TBXAS1: variants seen among roughly 807,000 people sequenced by gnomAD.
The protein encoded by TBXAS1 is thromboxane-A synthase.
Under a neutral mutation model 60.7 loss-of-function variants are expected in TBXAS1, and 48 were observed. That is an observed-to-expected ratio of 0.79 (90% CI 0.63 to 1.01). The LOEUF (loss-of-function observed/expected upper bound fraction) is 1.01, where lower values mean the gene tolerates loss of function less well. Among genes scored for constraint, TBXAS1 ranks in the 50% least tolerant of loss-of-function variants. TBXAS1 has a pLI of 0.00. For missense variants in TBXAS1, 685 were observed against 686.3 expected, an observed-to-expected ratio of 1.00 and a Z score of 0.02; for synonymous variants, 287 against 269.7, an observed-to-expected ratio of 1.06 and a Z score of -0.63.
intron 1 of TBXAS1, among the ~76,000 whole-genome samples, chr7:139,855,955 T>G (rs1044137077): frequency 3.9e-5 from 6 of 152,212 alleles, no homozygotes; most frequent in Non-Finnish European, 7.3e-5. Context: ...CACCACAGTT[T>G]CCTTATTTAA....
At chr7:139,914,089 G>C (rs932616669) in intron 4 of TBXAS1, 1 of 150,494 alleles carries the variant, frequency 6.6e-6, no homozygotes, top group African/African-American at 2.5e-5. Context: ...GAGTTCAGTG[G>C]TGTGATCAGA....
intron 1 of TBXAS1, among the ~76,000 whole-genome samples, chr7:139,843,140 G>C (rs554628009): frequency 6.6e-6 from 1 of 152,200 alleles, no homozygotes; most frequent in Non-Finnish European, 1.5e-5. Flanking sequence ...GCACAGCGCA[G>C]TCCCTGTTGC....
chr7:140,000,994 G>A (rs1268589093), intron 9 of TBXAS1, among the ~76,000 whole-genome samples: 2 of 152,182 alleles, frequency 1.3e-5, no homozygotes, highest in Non-Finnish European at 2.9e-5. Context: ...CAGACGAGGG[G>A]TCCTGTAGAT....
chr7:139,996,834 G>C (rs1016244226), intron 9 of TBXAS1, among the ~76,000 whole-genome samples: 1 of 152,234 alleles, frequency 6.6e-6, no homozygotes. Flanking sequence ...ATAGGGAACA[G>C]CCAAGATAGA....
intron 9 of TBXAS1, among the ~76,000 whole-genome samples, chr7:139,992,462 C>A (rs1157190433): frequency 6.6e-6 from 1 of 152,248 alleles, no homozygotes; most frequent in African/African-American, 2.4e-5. Flanking sequence ...GGGAAGCTCG[C>A]GGAGCCATGT....
Position 140,020,114 on chromosome 7 carries a change from G to A in TBXAS1, c.*15G>A, listed in dbSNP as rs762784306. The A allele has an allele frequency of 3.8e-5, 61 of 1,613,382 alleles. No individual in the cohort carries two copies. In the East Asian group the frequency reaches 1.2e-3, roughly 31 times the overall value. On this transcript the variant is annotated 3_prime_UTR_variant, in exon 13 of 13. Transcript: ENST00000448866. ...TATCCCGCTGACACAGAAGGCTGCC[G>A]GGTGGGGGGAGGGCACCCCCAAATT...
At chr7:140,011,276 C>G (rs1814582087) in intron 10 of TBXAS1, among the ~76,000 whole-genome samples, 1 of 32,206 alleles carries the variant, frequency 3.1e-5, no homozygotes, top group Admixed American at 4.6e-4. Context: ...GACTCTGTCT[C>G]AAAAAAAACA....
chr7:139,794,146 G>A (rs180825529), intron 4 of TBXAS1, among the ~76,000 whole-genome samples: 2 of 152,032 alleles, frequency 1.3e-5, no homozygotes, highest in African/African-American at 2.4e-5. Flanking sequence ...CTGCTGCCCA[G>A]GCTGGAGTGC....
chr7:139,822,920 C>T lies in TBXAS1; in HGVS notation c.-79-6392C>T, dbSNP rs185229654. 1.1e-3 allele frequency among the ~76,000 whole-genome samples: 170 copies of T among 152,228 alleles called. 1 individual carries two copies. The highest frequency in any genetic ancestry group is 3.4e-3 in the Middle Eastern group (1 of 294). ...ATATTTCTAGAAGCCAATCTGATCACGTTGCTGCTCAATTTTACCTCCTGC... is the reference window on the plus strand; with the variant it reads ...ATATTTCTAGAAGCCAATCTGATCATGTTGCTGCTCAATTTTACCTCCTGC... On this transcript the variant is annotated intron_variant, in intron 4 of 16. Transcript: ENST00000336425.
At chr7:140,015,546 G>C (rs914547504) in intron 10 of TBXAS1, among the ~76,000 whole-genome samples, 177 bp from the exon 11 acceptor site, 6 of 152,134 alleles carry the variant, frequency 3.9e-5, no homozygotes, top group African/African-American at 9.7e-5. Flanking sequence ...TGGGGTAGGG[G>C]CTTGGTCACC....
chr7:139,979,660 A>G (rs1811819734), intron 9 of TBXAS1, among the ~76,000 whole-genome samples: 4 of 151,680 alleles, frequency 2.6e-5, no homozygotes, highest in Admixed American at 2.6e-4. Flanking sequence ...CAGGAAGCAG[A>G]GGTTGCAGTG....
intron 3 of TBXAS1, among the ~76,000 whole-genome samples, chr7:139,898,551 T>C (rs1804302101): frequency 1.3e-5 from 2 of 149,616 alleles, no homozygotes; most frequent in South Asian, 4.3e-4. Flanking sequence ...GGTCTCAAAA[T>C]CCTGACCTCA....
At chr7:139,849,255 T>C (rs941338651) in intron 1 of TBXAS1, among the ~76,000 whole-genome samples, 2 of 152,006 alleles carry the variant, frequency 1.3e-5, no homozygotes, top group Non-Finnish European at 2.9e-5. Context: ...GACATGCATC[T>C]GTGGTCCCAG....
chr7:139,913,243 C>T (rs965143842), intron 4 of TBXAS1: 11 of 666,450 alleles, frequency 1.7e-5, no homozygotes, highest in East Asian at 5.5e-5. Context: ...GCTATCTCCT[C>T]GCTCAAAGTC....
At chr7:139,964,921 G>C (rs1810665738) in intron 9 of TBXAS1, among the ~76,000 whole-genome samples, 1 of 152,194 alleles carries the variant, frequency 6.6e-6, no homozygotes, top group Non-Finnish European at 1.5e-5. Context: ...GACACAGCAA[G>C]TGCTCATGTT....
chr7:139,943,350 T>C (rs1423002732), intron 5 of TBXAS1, among the ~76,000 whole-genome samples: 1 of 152,240 alleles, frequency 6.6e-6, no homozygotes, highest in African/African-American at 2.4e-5. Flanking sequence ...CACAGTCGTG[T>C]TCCACCGACA....
chr7:139,875,039 G>C (rs993311931), intron 2 of TBXAS1, among the ~76,000 whole-genome samples: 1 of 152,142 alleles, frequency 6.6e-6, no homozygotes, highest in South Asian at 2.1e-4. Context: ...AGGTTGCAAC[G>C]AGCTGAGATC....
chr7:140,015,998 A>T (rs907688804), intron 11 of TBXAS1, 138 bp downstream of exon 11: 2 of 1,232,218 alleles, frequency 1.6e-6, no homozygotes, highest in African/African-American at 1.5e-5. Context: ...CAATTCAGAT[A>T]GATGTTTGCA....
At chr7:139,966,400 C>G (rs902629265) in intron 9 of TBXAS1, among the ~76,000 whole-genome samples, 8 of 152,072 alleles carry the variant, frequency 5.3e-5, no homozygotes, top group African/African-American at 1.5e-4. Context: ...ACCCCTATAA[C>G]TGAAAACTCC....
Sources: gnomAD v4.1 joint callset for allele counts (sites outside exome capture counted in the v4.1 genomes callset) on GRCh38, gnomAD v4.1.1 for gene constraint, MANE v1.5 for transcripts, NCBI Gene and HGNC (gene_info 2026-07-23, HGNC 2026-07-21) for gene names.